The following SLC35F2 variants were observed in gnomAD, a reference collection of about 807,000 sequenced individuals.
SLC35F2 encodes the protein solute carrier family 35 member F2.
A neutral mutation model predicts 38.1 loss-of-function variants in SLC35F2; 25 were observed. The observed-to-expected ratio is 0.66, with a 90% CI of 0.48 to 0.92. The LOEUF (loss-of-function observed/expected upper bound fraction) is 0.92, where lower values mean the gene tolerates loss of function less well. Ranked by LOEUF, SLC35F2 falls within the 40% of genes least tolerant of loss-of-function variation. The pLI, the probability that SLC35F2 is intolerant of heterozygous loss-of-function variation, is 0.00. For synonymous variants in SLC35F2, 173 were observed against 181.7 expected (o/e 0.95, Z 0.38); for missense variants, 409 against 452.9 (o/e 0.90, Z 0.88).
chr11:107,852,453 A>C (rs1305429662), intron 1 of SLC35F2, among the ~76,000 whole-genome samples: 1 of 151,796 alleles, frequency 6.6e-6, no homozygotes, highest in African/African-American at 2.4e-5. Context: ...CGGGAGGCTG[A>C]GGCAGGAGAA....
At chr11:107,800,400 C>T (rs760798379) in intron 7 of SLC35F2, among the ~76,000 whole-genome samples, 3 of 149,836 alleles carry the variant, frequency 2.0e-5, no homozygotes, top group African/African-American at 7.3e-5. Flanking sequence ...AGTTCATGGC[C>T]GACTTCTGGG....
At chr11:107,822,662 G>A (rs1859691765) in intron 1 of SLC35F2, among the ~76,000 whole-genome samples, 1 of 152,160 alleles carries the variant, frequency 6.6e-6, no homozygotes, top group African/African-American at 2.4e-5. Context: ...GATTAATAGT[G>A]CCTGGCAAAT....
chr11:107,844,129 T>C (rs1452161378), intron 1 of SLC35F2, among the ~76,000 whole-genome samples: 5 of 151,994 alleles, frequency 3.3e-5, no homozygotes, highest in African/African-American at 4.8e-5. Flanking sequence ...TTTTTGTTTG[T>C]TGCCCTATCG....
intron 7 of SLC35F2, among the ~76,000 whole-genome samples, chr11:107,794,063 GA>G (rs1453980806): frequency 6.7e-6 from 1 of 149,310 alleles, no homozygotes; most frequent in East Asian, 2.0e-4. Flanking sequence ...AAGTATTAAA[GA>G]AATCAGTCTG....
At chr11:107,800,199 T>TA (rs1451471581) in intron 7 of SLC35F2, among the ~76,000 whole-genome samples, 1 of 152,080 alleles carries the variant, frequency 6.6e-6, no homozygotes, top group Non-Finnish European at 1.5e-5. Context: ...GGCTTTTTTT[T>TA]AATGATGTTA....
chr11:107,810,379 T>C (rs602850), intron 3 of SLC35F2: 508,288 of 984,236 alleles, frequency 0.52, 133,023 homozygotes, highest in Non-Finnish European at 0.54. Context: ...CTTGCACCAA[T>C]TCAAAACTTT....
intron 7 of SLC35F2, among the ~76,000 whole-genome samples, chr11:107,798,921 C>T (rs929072157): frequency 1.3e-5 from 2 of 152,112 alleles, no homozygotes; most frequent in Non-Finnish European, 2.9e-5. Context: ...ACTAAAAATA[C>T]ACAAATTAGC....
chr11:107,836,728 G>A (rs996667131), intron 1 of SLC35F2, among the ~76,000 whole-genome samples: 4 of 152,094 alleles, frequency 2.6e-5, no homozygotes, highest in Non-Finnish European at 5.9e-5. Context: ...TTTTTAGCCC[G>A]GGAAGATGAA....
Position 107,805,147 on chromosome 11 carries a change from T to TAAGAA in SLC35F2, c.731+207_731+211dup. On this transcript the variant is annotated intron_variant, in intron 5 of 7. Transcript: ENST00000525815. ...AGGAATCCTAAGCAACACACATGTT[T>TAAGAA]AAGAAAATAGGAAGTAATTCTTGAT... The TAAGAA allele has an allele frequency of 3.0e-6, 3 of 985,408 alleles. 1 individual carries two copies. The South Asian group carries it at 1.4e-4, about 46-fold the overall frequency. 61.0% of individuals were successfully genotyped at this position (985,408 alleles called of 1,614,324 possible). A position where few individuals can be genotyped will look rare whatever the true frequency, so the allele number is the denominator to read the frequency against.
chr11:107,838,227 G>T (rs1268922169), intron 1 of SLC35F2, among the ~76,000 whole-genome samples: 1 of 152,058 alleles, frequency 6.6e-6, no homozygotes, highest in South Asian at 2.1e-4. Context: ...ATTTATTAGG[G>T]ATTCATAAAA....
At chr11:107,821,941 G>T (rs745740608) in intron 1 of SLC35F2, among the ~76,000 whole-genome samples, 22 of 152,288 alleles carry the variant, frequency 1.4e-4, no homozygotes, top group Non-Finnish European at 2.8e-4. Context: ...ATAACTTTAA[G>T]AATTTAAGGC....
At chr11:107,825,379 CT>C (rs572239452) in intron 1 of SLC35F2, among the ~76,000 whole-genome samples, 6,672 of 84,650 alleles carry the variant, frequency 0.079, 221 homozygotes, top group African/African-American at 0.18. Context: ...TTTTTTTTTT[CT>C]TTTTTTTTTG....
chr11:107,833,068 T>C (rs1404312975), intron 1 of SLC35F2, among the ~76,000 whole-genome samples: 2 of 152,216 alleles, frequency 1.3e-5, no homozygotes, highest in Admixed American at 1.3e-4. Context: ...GTATTATTTA[T>C]TTACTTATTA....
intron 1 of SLC35F2, among the ~76,000 whole-genome samples, chr11:107,834,991 CATA>C (rs1480713870): frequency 1.3e-5 from 2 of 152,126 alleles, no homozygotes; most frequent in Non-Finnish European, 2.9e-5. Flanking sequence ...TGTAAACCAT[CATA>C]ATATCATCCC....
In SLC35F2 at chr11:107,811,783, G is replaced by C. The variant is rs188326053; in HGVS notation, c.298C>G (p.Leu100Val). The part of the protein sequence containing the change: ...MLAFRSGSDN[L>V]LVILKRKWWK... ...CATTTTCTTTTCAAGATTACTAAAA[G>C]GTTATCACTGCCTGGTTGAAAGAAA... The change falls in exon 3 of 8, where the codon CTT becomes GTT. Residue 100 changes from leucine (L) to valine (V), a missense_variant. By Grantham distance (32) the Leu-to-Val change is conservative. Transcript: ENST00000525815. 558 of 1,613,782 alleles carry C rather than the reference G, an allele frequency of 3.5e-4. 5 individuals are homozygous for C. The East Asian group carries it at 9.7e-3, about 28-fold the overall frequency.
chr11:107,828,747 A>T (rs779225792), intron 1 of SLC35F2, among the ~76,000 whole-genome samples: 9 of 152,168 alleles, frequency 5.9e-5, no homozygotes, highest in African/African-American at 2.2e-4. Flanking sequence ...AAAAAGAAAG[A>T]GACAAGAAAA....
At chr11:107,808,753 C>G (rs553558544) in intron 3 of SLC35F2, among the ~76,000 whole-genome samples, 1 of 152,294 alleles carries the variant, frequency 6.6e-6, no homozygotes, top group African/African-American at 2.4e-5. Context: ...CTTTATTGAG[C>G]CTGCCTGAAT....
intron 1 of SLC35F2, among the ~76,000 whole-genome samples, chr11:107,825,723 C>T (rs1056082535): frequency 1.3e-5 from 2 of 152,060 alleles, no homozygotes; most frequent in Middle Eastern, 3.2e-3. Flanking sequence ...TGCTGGTCCA[C>T]GGACCAGACT....
intron 1 of SLC35F2, among the ~76,000 whole-genome samples, chr11:107,842,800 T>C (rs950785092): frequency 2.6e-5 from 4 of 152,230 alleles, no homozygotes; most frequent in East Asian, 1.9e-4. Context: ...TATATGTATA[T>C]GTGCATGTCT....
Sources: allele counts gnomAD v4.1 joint callset (sites outside exome capture counted in the v4.1 genomes callset), GRCh38; gene constraint gnomAD v4.1.1; transcripts MANE v1.5; gene names NCBI Gene and HGNC (gene_info 2026-07-23, HGNC 2026-07-21).